The following VRK2 variants were observed in gnomAD, a reference collection of about 807,000 sequenced individuals.
VRK2 encodes the protein VRK serine/threonine kinase 2.
VRK2 carries 60 observed loss-of-function variants against 57.6 expected under a neutral mutation model. That is an observed-to-expected ratio of 1.04 (90% CI 0.85 to 1.29). The LOEUF (loss-of-function observed/expected upper bound fraction) is 1.29, where lower values mean the gene tolerates loss of function less well. Ranked by LOEUF, VRK2 falls within the 50% of genes most tolerant of loss-of-function variation. The probability of loss-of-function intolerance (pLI) is 0.00; values close to 1 mark genes in which losing one functional copy is unlikely to be tolerated. For missense variants in VRK2, 705 were observed against 588.1 expected (o/e 1.20, Z -2.06); for synonymous variants, 231 against 199.2 (o/e 1.16, Z -1.35).
chr2:57,923,656 A>C (rs1189129306), intron 1 of VRK2, among the ~76,000 whole-genome samples: 1 of 151,952 alleles, frequency 6.6e-6, no homozygotes, highest in Non-Finnish European at 1.5e-5. Flanking sequence ...ATAGTTTGCA[A>C]ATATTTTCTT....
intron 8 of VRK2, among the ~76,000 whole-genome samples, chr2:58,129,694 G>A (rs1478319195): frequency 6.6e-6 from 1 of 152,070 alleles, no homozygotes; most frequent in Non-Finnish European, 1.5e-5. Flanking sequence ...GACAATCATT[G>A]GCAAAGTCTA....
chr2:58,054,474 A>G lies in VRK2; in HGVS notation c.136+5507A>G, dbSNP rs191888814. On this transcript the variant is annotated intron_variant, in intron 2 of 12. Coordinates refer to ENST00000340157, the MANE Select transcript of VRK2 (RefSeq NM_006296.7). ...GCTCACCTCTATTGCCACACAATAAAAGAATTCTCAGCTTTTGAGAGCTCT... is the reference window on the plus strand; with the variant it reads ...GCTCACCTCTATTGCCACACAATAAGAGAATTCTCAGCTTTTGAGAGCTCT... 1.1e-3 allele frequency among the ~76,000 whole-genome samples: 165 copies of G among 152,148 alleles called. 2 individuals are homozygous for G. Among genetic ancestry groups the G allele is most frequent in the Non-Finnish European group, 1.6e-4 (11 of 67,982 alleles).
intron 2 of VRK2, among the ~76,000 whole-genome samples, chr2:58,054,015 G>T (rs1035715349): frequency 2.0e-5 from 3 of 152,008 alleles, no homozygotes; most frequent in Non-Finnish European, 4.4e-5. Flanking sequence ...ACGTTTGTTG[G>T]ACTTACAGAC....
chr2:57,909,667 A>T (rs1379378754), intron 1 of VRK2, among the ~76,000 whole-genome samples: 1 of 152,128 alleles, frequency 6.6e-6, no homozygotes, highest in Non-Finnish European at 1.5e-5. Context: ...CATGAAATAT[A>T]TTTTTCCTAT....
chr2:57,974,197 C>A (rs1214137507), intron 1 of VRK2, among the ~76,000 whole-genome samples: 1 of 151,870 alleles, frequency 6.6e-6, no homozygotes, highest in African/African-American at 2.4e-5. Context: ...ATTGTTTCTG[C>A]TGTGAAGAAA....
At chr2:57,990,578 T>C (rs1030168726) in intron 1 of VRK2, among the ~76,000 whole-genome samples, 5 of 152,188 alleles carry the variant, frequency 3.3e-5, no homozygotes, top group African/African-American at 1.2e-4. Context: ...AAGCCTAATA[T>C]TGAAGTAAAT....
At chr2:57,999,128 T>C (rs554270940) in intron 1 of VRK2, among the ~76,000 whole-genome samples, 3 of 152,284 alleles carry the variant, frequency 2.0e-5, no homozygotes, top group East Asian at 3.9e-4. Context: ...AGAACAGTTT[T>C]AAAGGCACAG....
chr2:57,995,742 TAA>T (rs895225331), intron 1 of VRK2, among the ~76,000 whole-genome samples: 12 of 152,218 alleles, frequency 7.9e-5, no homozygotes, highest in Non-Finnish European at 1.3e-4. Flanking sequence ...ATCAAAATAA[TAA>T]GTGTTACTTT....
At chr2:58,102,251 A>G (rs927000652) in intron 7 of VRK2, among the ~76,000 whole-genome samples, 4 of 151,638 alleles carry the variant, frequency 2.6e-5, no homozygotes, top group African/African-American at 9.7e-5. Context: ...ACATATTAAT[A>G]TTAACCTTGA....
chr2:58,074,201 A>G (rs1398720513), intron 2 of VRK2, among the ~76,000 whole-genome samples: 1 of 152,078 alleles, frequency 6.6e-6, no homozygotes, highest in Non-Finnish European at 1.5e-5. Context: ...TGGGTTTCCT[A>G]TAGACATCAT....
At chr2:58,157,819 C>G (rs1168548969) in intron 12 of VRK2, among the ~76,000 whole-genome samples, 2 of 152,208 alleles carry the variant, frequency 1.3e-5, no homozygotes, top group African/African-American at 4.8e-5. Context: ...CAGAACTATT[C>G]AACAATGCCA....
chr2:58,020,499 C>T (rs1572789561), intron 1 of VRK2, among the ~76,000 whole-genome samples: 2 of 152,218 alleles, frequency 1.3e-5, no homozygotes, highest in East Asian at 3.8e-4. Context: ...AGCACCATGC[C>T]CTGCTAAGAT....
At chr2:58,048,515 G>T (rs779530103) in intron 1 of VRK2, 21 of 1,248,810 alleles carry the variant, frequency 1.7e-5, no homozygotes, top group Non-Finnish European at 2.1e-5. Flanking sequence ...TGTTAATTTC[G>T]TGTTTCTTAA....
At chr2:57,907,743 C>A (rs1316273184) in exon 1 of VRK2, 1 of 152,248 alleles carries the variant, frequency 6.6e-6, no homozygotes, top group African/African-American at 2.4e-5. Context: ...CTTCATCCTA[C>A]AAGATGCTTC....
intron 11 of VRK2, among the ~76,000 whole-genome samples, chr2:58,142,206 T>G (rs1681452810): frequency 6.6e-6 from 1 of 151,970 alleles, no homozygotes. Context: ...CAAATGAAAC[T>G]TATACAGAGG....
At chr2:57,998,461 G>T (rs539301314) in intron 1 of VRK2, among the ~76,000 whole-genome samples, 1 of 152,102 alleles carries the variant, frequency 6.6e-6, no homozygotes, top group Non-Finnish European at 1.5e-5. Context: ...TAATCTGGGA[G>T]ATAATTTATA....
chr2:58,037,550 G>A (rs762326505), intron 3 of VRK2, among the ~76,000 whole-genome samples: 5 of 152,034 alleles, frequency 3.3e-5, no homozygotes, highest in Non-Finnish European at 7.4e-5. Flanking sequence ...GGAAGACACA[G>A]AAACAAAATC....
intron 1 of VRK2, among the ~76,000 whole-genome samples, chr2:57,984,855 A>C (rs544921390): frequency 1.3e-4 from 20 of 152,114 alleles, no homozygotes; most frequent in Non-Finnish European, 2.1e-4. Flanking sequence ...GGATCATTAT[A>C]AAATAAGCAT....
intron 1 of VRK2, among the ~76,000 whole-genome samples, chr2:57,971,253 A>G (rs1256193299): frequency 6.6e-6 from 1 of 152,030 alleles, no homozygotes; most frequent in Non-Finnish European, 1.5e-5. Context: ...GTGGGATAAC[A>G]TAGTACTCAC....
Sources: allele counts gnomAD v4.1 joint callset (sites outside exome capture counted in the v4.1 genomes callset), GRCh38; gene constraint gnomAD v4.1.1; transcripts MANE v1.5; gene names NCBI Gene and HGNC (gene_info 2026-07-23, HGNC 2026-07-21).